Variants in HS6ST3 observed in about 807,000 individuals in gnomAD.
HS6ST3 encodes the protein heparan sulfate 6-O-sulfotransferase 3.
In HS6ST3, 12 loss-of-function variants were observed where a neutral mutation model predicts 36.7. The observed-to-expected ratio is 0.33, with a 90% CI of 0.21 to 0.53. The LOEUF (loss-of-function observed/expected upper bound fraction) is 0.53, where lower values mean the gene tolerates loss of function less well. Ranked by LOEUF, HS6ST3 falls within the 20% of genes least tolerant of loss-of-function variation. The pLI is 0.95. For synonymous variants in HS6ST3, 240 were observed against 257.5 expected (o/e 0.93, Z 0.65); for missense variants, 584 against 640.9 (o/e 0.91, Z 0.96).
At chr13:96,770,889 T>C (rs1317803101) in intron 1 of HS6ST3, among the ~76,000 whole-genome samples, 1 of 152,184 alleles carries the variant, frequency 6.6e-6, no homozygotes, top group Admixed American at 6.5e-5. Flanking sequence ...GTAAGGTAGT[T>C]AGTCCATTGG....
intron 1 of HS6ST3, among the ~76,000 whole-genome samples, chr13:96,698,059 A>C (rs1875180585): frequency 6.6e-6 from 1 of 152,018 alleles, no homozygotes; most frequent in Admixed American, 6.6e-5. Flanking sequence ...ATTTTTAATT[A>C]TAGTTTTTAA....
In HS6ST3 at chr13:96,090,882, A is replaced by C; in HGVS notation, c.20A>C (p.Lys7Thr). 6.6e-7 allele frequency: 1 copy of C among 1,511,702 alleles called. No homozygotes were observed. Among genetic ancestry groups the C allele is most frequent in the Non-Finnish European group, 8.9e-7 (1 of 1,124,708 alleles). The allele number at this position is 1,511,702 out of a possible 1,614,324, so 93.6% of individuals were successfully genotyped here. A position where few individuals can be genotyped will look rare whatever the true frequency, so the allele number is the denominator to read the frequency against. MDERFNKWLLTPVLTLL... is the reference protein window; with the variant it reads MDERFNTWLLTPVLTLL... ...GGGACCATGGATGAAAGGTTCAACA[A>C]GTGGCTGCTGACGCCGGTGCTCACT... The change falls in exon 1 of 2, where the codon AAG (lysine) becomes ACG (threonine). Residue 7 changes from lysine (K) to threonine (T), a missense_variant. Lys to Thr is a moderately conservative substitution (Grantham distance 78). This residue lies in a region of HS6ST3 where 217 missense variants were observed against 205.4 expected (regional missense o/e 1.06). Transcript: ENST00000376705.
chr13:96,195,511 G>A lies in HS6ST3; in HGVS notation c.707+103942G>A, dbSNP rs528809132. On this transcript the variant is annotated intron_variant, in intron 1 of 1. Transcript: ENST00000376705. ...CAAGTGTGTGCATAAATTCTGTCAGGAAAGAATTACAACCTCGTCGTGAAT... is the reference window on the plus strand; with the variant it reads ...CAAGTGTGTGCATAAATTCTGTCAGAAAAGAATTACAACCTCGTCGTGAAT... Among the ~76,000 whole-genome samples, 14 of 152,274 alleles carry A rather than the reference G, an allele frequency of 9.2e-5. 1 individual carries two copies. The highest frequency in any genetic ancestry group is 3.1e-4 in the African/African-American group (13 of 41,546).
At chr13:96,313,643 A>G (rs1042140833) in intron 1 of HS6ST3, among the ~76,000 whole-genome samples, 2 of 152,100 alleles carry the variant, frequency 1.3e-5, no homozygotes, top group African/African-American at 2.4e-5. Flanking sequence ...AATGTCCCCC[A>G]TGATAGCCTC....
intron 1 of HS6ST3, among the ~76,000 whole-genome samples, chr13:96,110,375 C>T (rs543511898): frequency 2.0e-5 from 3 of 151,520 alleles, no homozygotes; most frequent in Non-Finnish European, 4.4e-5. Context: ...ACCCAAACAC[C>T]CCCCTCCAGG....
chr13:96,833,805 A>G lies in HS6ST3; in HGVS notation c.*607A>G, dbSNP rs557923146. 2 of 152,492 alleles carry G rather than the reference A, an allele frequency of 1.3e-5. No individual in the cohort carries two copies. Among genetic ancestry groups the G allele is most frequent in the Admixed American group, 1.3e-4 (2 of 15,310 alleles). 9.4% of individuals were successfully genotyped at this position (152,492 alleles called of 1,614,324 possible). On this transcript the variant is annotated 3_prime_UTR_variant, in exon 2 of 2. Transcript: ENST00000376705. ...AATTATCCTATTATTGACCATTGCT[A>G]GAGACCCACATCCTACAAAATCCTG...
At chr13:96,747,627 T>A (rs897972321) in intron 1 of HS6ST3, among the ~76,000 whole-genome samples, 1 of 152,068 alleles carries the variant, frequency 6.6e-6, no homozygotes, top group African/African-American at 2.4e-5. Context: ...TATTATGCAG[T>A]GTGTGGCTGT....
intron 1 of HS6ST3, among the ~76,000 whole-genome samples, chr13:96,300,682 TATCAAGA>T (rs1789070038): frequency 6.6e-6 from 1 of 152,204 alleles, no homozygotes; most frequent in Non-Finnish European, 1.5e-5. Flanking sequence ...TTTCTTTTAA[TATCAAGA>T]ATCAAAGGTA....
chr13:96,616,655 T>C (rs1469539288), intron 1 of HS6ST3, among the ~76,000 whole-genome samples: 2 of 152,168 alleles, frequency 1.3e-5, no homozygotes, highest in Non-Finnish European at 2.9e-5. Flanking sequence ...TTCTATAGAT[T>C]ACACAGAACT....
Position 96,645,781 on chromosome 13 carries a change from ACT to A in HS6ST3, c.708-186706_708-186705del, listed in dbSNP as rs752909854. 6.1e-4 allele frequency among the ~76,000 whole-genome samples: 93 copies of A among 151,778 alleles called. 2 individuals carry two copies. The highest frequency in any genetic ancestry group is 2.4e-4 in the Non-Finnish European group (16 of 67,900). On this transcript the variant is annotated intron_variant, in intron 1 of 1. Coordinates refer to ENST00000376705, the MANE Select transcript of HS6ST3 (RefSeq NM_153456.4). ...CTCTAATTCAGGCAAGAGAATTTGA[ACT>A]CTGTTTATCAGCTTAAAGGGGAGGA...
At chr13:96,225,875 T>C (rs2054477809) in intron 1 of HS6ST3, among the ~76,000 whole-genome samples, 1 of 152,208 alleles carries the variant, frequency 6.6e-6, no homozygotes, top group Admixed American at 6.5e-5. Context: ...TGAATAGAAG[T>C]ATAGAGAAGT....
At chr13:96,578,110 C>G (rs1307800590) in intron 1 of HS6ST3, among the ~76,000 whole-genome samples, 1 of 152,210 alleles carries the variant, frequency 6.6e-6, no homozygotes, top group Non-Finnish European at 1.5e-5. Context: ...AAGCCTTCCT[C>G]CCCGCACATT....
chr13:96,522,194 ATTC>A (rs2056096295), intron 1 of HS6ST3, among the ~76,000 whole-genome samples: 1 of 152,174 alleles, frequency 6.6e-6, no homozygotes, highest in African/African-American at 2.4e-5. Flanking sequence ...TTCTAATTTG[ATTC>A]CACTATGGTC....
intron 1 of HS6ST3, among the ~76,000 whole-genome samples, chr13:96,151,146 G>A (rs1298191196): frequency 1.3e-5 from 2 of 152,176 alleles, no homozygotes; most frequent in Non-Finnish European, 2.9e-5. Context: ...GCTCATGCCT[G>A]TAATGATGGC....
chr13:96,640,593 G>A (rs919448002), intron 1 of HS6ST3, among the ~76,000 whole-genome samples: 29 of 151,788 alleles, frequency 1.9e-4, no homozygotes, highest in Admixed American at 4.6e-4. Context: ...TGGTTTTGTC[G>A]CAATTGCTTT....
chr13:96,384,263 T>G (rs535907980), intron 1 of HS6ST3, among the ~76,000 whole-genome samples: 15 of 152,168 alleles, frequency 9.9e-5, no homozygotes, highest in Non-Finnish European at 1.9e-4. Context: ...TTATTTTATT[T>G]TATTTTTGTT....
At chr13:96,594,034 G>A (rs973756198) in intron 1 of HS6ST3, among the ~76,000 whole-genome samples, 4 of 151,278 alleles carry the variant, frequency 2.6e-5, no homozygotes, top group Non-Finnish European at 4.4e-5. Context: ...TCAGCTCACC[G>A]CGATCTCAGC....
intron 1 of HS6ST3, among the ~76,000 whole-genome samples, chr13:96,747,294 A>C (rs1876584660): frequency 7.1e-6 from 1 of 139,938 alleles, no homozygotes; most frequent in African/African-American, 2.5e-5. Flanking sequence ...GGCTGAAAGA[A>C]ATATGAAGAA....
chr13:96,365,901 C>G (rs2055260318), intron 1 of HS6ST3, among the ~76,000 whole-genome samples: 1 of 152,122 alleles, frequency 6.6e-6, no homozygotes, highest in African/African-American at 2.4e-5. Flanking sequence ...AGCCCTGAAC[C>G]TAAATTTGCT....
Sources: gnomAD v4.1 joint callset for allele counts (sites outside exome capture counted in the v4.1 genomes callset) on GRCh38, gnomAD v4.1.1 for gene constraint, gnomAD v4.1.1 regional missense constraint, MANE v1.5 for transcripts, NCBI Gene and HGNC (gene_info 2026-07-23, HGNC 2026-07-21) for gene names.